Variants in CELF4 observed in about 807,000 individuals in gnomAD.
CELF4 encodes CUG-BP- and ETR-3-like factor 4.
A neutral mutation model predicts 59.9 loss-of-function variants in CELF4; 18 were observed. That is an observed-to-expected ratio of 0.30 (90% CI 0.21 to 0.45). CELF4 has a LOEUF of 0.45. CELF4 is among the 20% of genes least tolerant of loss of function. The probability of loss-of-function intolerance (pLI) is 1.00; values close to 1 mark genes in which losing one functional copy is unlikely to be tolerated. For missense variants in CELF4, 456 were observed against 689.0 expected, an observed-to-expected ratio of 0.66 and a Z score of 3.79; for synonymous variants, 261 against 267.1, an observed-to-expected ratio of 0.98 and a Z score of 0.22.
chr18:37,346,132 T>C (rs531500941), intron 2 of CELF4, among the ~76,000 whole-genome samples: 2 of 152,314 alleles, frequency 1.3e-5, no homozygotes, highest in South Asian at 4.1e-4. Flanking sequence ...AGCCTCCTTC[T>C]ATGTCTGCTG....
chr18:37,514,802 A>G (rs1287115046), intron 1 of CELF4, among the ~76,000 whole-genome samples: 1 of 152,152 alleles, frequency 6.6e-6, no homozygotes, highest in Non-Finnish European at 1.5e-5. Context: ...GCTCCTTTAA[A>G]TGGGTTTATT....
chr18:37,424,178 G>T (rs1405497689), intron 2 of CELF4, among the ~76,000 whole-genome samples: 1 of 152,172 alleles, frequency 6.6e-6, no homozygotes, highest in African/African-American at 2.4e-5. Context: ...GGCCTGATTT[G>T]CTGTTAGCTC....
chr18:37,442,644 C>T (rs1031776253), intron 2 of CELF4, among the ~76,000 whole-genome samples: 1 of 152,162 alleles, frequency 6.6e-6, no homozygotes, highest in Non-Finnish European at 1.5e-5. Flanking sequence ...TTCAGTCCAC[C>T]GGGCACATTT....
intron 2 of CELF4, among the ~76,000 whole-genome samples, chr18:37,443,345 G>C (rs753580736): frequency 1.5e-4 from 23 of 152,110 alleles, no homozygotes; most frequent in East Asian, 1.2e-3. Flanking sequence ...CAGGGGAGTG[G>C]GGGGAGGGTC....
intron 1 of CELF4, among the ~76,000 whole-genome samples, chr18:37,523,115 C>T (rs901404858): frequency 1.3e-5 from 2 of 152,144 alleles, no homozygotes; most frequent in Non-Finnish European, 2.9e-5. Flanking sequence ...AGGGGCTTAC[C>T]ACCTGGCTGG....
intron 1 of CELF4, among the ~76,000 whole-genome samples, chr18:37,541,008 G>C (rs1003678427): frequency 2.7e-4 from 41 of 152,276 alleles, no homozygotes; most frequent in African/African-American, 9.6e-4. Context: ...TGACCTCATA[G>C]TGTGCATCAC....
At chr18:37,454,887 T>C (rs900829113) in intron 2 of CELF4, among the ~76,000 whole-genome samples, 8 of 152,148 alleles carry the variant, frequency 5.3e-5, no homozygotes, top group African/African-American at 1.9e-4. Context: ...AGAGCAGCCA[T>C]CAGTTAACTT....
rs1601684187 is a variant in CELF4, at chr18:37,273,179, T to C, written c.802-16A>G. On this transcript the variant is annotated splice_polypyrimidine_tract_variant and intron_variant, in intron 6 of 12. Transcript: ENST00000420428. Reference sequence around the variant, plus strand: ...GCTGCATCAGCTGGGGCAGAGGGAGTGGAAAAAATATCACGTGCTTCCAGG... The same window carrying C: ...GCTGCATCAGCTGGGGCAGAGGGAGCGGAAAAAATATCACGTGCTTCCAGG... 3.8e-6 allele frequency: 6 copies of C among 1,596,912 alleles called. No homozygotes were observed. Among genetic ancestry groups the C allele is most frequent in the Non-Finnish European group, 5.1e-6 (6 of 1,166,890 alleles).
chr18:37,248,012 T>C (rs969507041), intron 12 of CELF4, among the ~76,000 whole-genome samples: 2 of 152,148 alleles, frequency 1.3e-5, no homozygotes, highest in African/African-American at 4.8e-5. Context: ...TGGTAACTGC[T>C]GTGTCCACGG....
intron 1 of CELF4, among the ~76,000 whole-genome samples, chr18:37,491,837 C>T (rs902436127): frequency 7.2e-5 from 11 of 152,150 alleles, no homozygotes; most frequent in Admixed American, 1.3e-4. Flanking sequence ...GTGCCCTCTC[C>T]CATGTGGGGG....
chr18:37,466,340 G>A (rs1569569518), intron 2 of CELF4, among the ~76,000 whole-genome samples: 1 of 151,888 alleles, frequency 6.6e-6, no homozygotes, highest in Non-Finnish European at 1.5e-5. Flanking sequence ...GTCTCCAGAT[G>A]GTGTTTAGTG....
At chr18:37,363,783 G>A (rs539604544) in intron 2 of CELF4, among the ~76,000 whole-genome samples, 2 of 152,272 alleles carry the variant, frequency 1.3e-5, no homozygotes, top group East Asian at 3.9e-4. Flanking sequence ...GACAGTGCCT[G>A]GTCCCCTTTA....
At chr18:37,432,829 T>C (rs1454635686) in intron 2 of CELF4, among the ~76,000 whole-genome samples, 1 of 152,162 alleles carries the variant, frequency 6.6e-6, no homozygotes, top group Non-Finnish European at 1.5e-5. Flanking sequence ...CAGGAAGCCT[T>C]CTTGGATTGA....
intron 2 of CELF4, among the ~76,000 whole-genome samples, chr18:37,323,572 C>G (rs981705322): frequency 1.3e-5 from 2 of 152,094 alleles, no homozygotes; most frequent in Non-Finnish European, 2.9e-5. Flanking sequence ...CTGTCCAGTA[C>G]TGTTTGGGAC....
chr18:37,393,766 C>G (rs545563994), intron 2 of CELF4, among the ~76,000 whole-genome samples: 1 of 152,222 alleles, frequency 6.6e-6, no homozygotes, highest in South Asian at 2.1e-4. Flanking sequence ...CAACCCATCC[C>G]CAATCTGAGC....
intron 2 of CELF4, among the ~76,000 whole-genome samples, chr18:37,363,799 G>A (rs694051): frequency 0.029 from 4,357 of 152,142 alleles, 207 homozygotes; most frequent in African/African-American, 0.099. Context: ...CTTTATGCAC[G>A]TGCCCCTCCC....
At chr18:37,495,859 G>T (rs2099924586) in intron 1 of CELF4, among the ~76,000 whole-genome samples, 4 of 152,090 alleles carry the variant, frequency 2.6e-5, no homozygotes. Context: ...TTGTGTGTGT[G>T]TGTGTTTTGG....
chr18:37,480,865 AAG>A (rs1309641184), intron 2 of CELF4, among the ~76,000 whole-genome samples: 2 of 152,018 alleles, frequency 1.3e-5, no homozygotes, highest in African/African-American at 2.4e-5. Flanking sequence ...GAAAAAGAAA[AAG>A]AAAGAAAGGA....
chr18:37,464,765 G>C (rs562570904), intron 2 of CELF4, among the ~76,000 whole-genome samples: 1 of 152,332 alleles, frequency 6.6e-6, no homozygotes, highest in South Asian at 2.1e-4. Context: ...GGTTCACAGG[G>C]AGCAAGGGCC....
Sources: gnomAD v4.1 joint callset for allele counts (sites outside exome capture counted in the v4.1 genomes callset) on GRCh38, gnomAD v4.1.1 for gene constraint, MANE v1.5 for transcripts, NCBI Gene and HGNC (gene_info 2026-07-23, HGNC 2026-07-21) for gene names.